Variants in SDHAF3 observed in about 807,000 individuals in gnomAD.
SDHAF3 encodes succinate dehydrogenase complex assembly factor 3.
SDHAF3 carries 18 observed loss-of-function variants against 11.5 expected under a neutral mutation model. The observed-to-expected ratio is 1.56, with a 90% CI of 1.08 to 2.32. The LOEUF (loss-of-function observed/expected upper bound fraction) is 2.32. SDHAF3 is among the 30% of genes most tolerant of loss of function. The pLI is 0.00. For synonymous variants in SDHAF3, 72 were observed against 59.3 expected, an observed-to-expected ratio of 1.21 and a Z score of -0.99; for missense variants, 200 against 154.4, an observed-to-expected ratio of 1.30 and a Z score of -1.57.
chr7:97,160,679 A>G (rs1789395084), intron 1 of SDHAF3, among the ~76,000 whole-genome samples: 1 of 152,206 alleles, frequency 6.6e-6, no homozygotes, highest in South Asian at 2.1e-4. Context: ...GCGGTTGTAA[A>G]TATGTGACTG....
chr7:97,120,577 AT>A (rs1791476882), intron 1 of SDHAF3, among the ~76,000 whole-genome samples: 1 of 151,422 alleles, frequency 6.6e-6, no homozygotes, highest in Non-Finnish European at 1.5e-5. Context: ...TTATGCCTTT[AT>A]TTTTCAGTTA....
chr7:97,123,095 T>C (rs1267111043), intron 1 of SDHAF3, among the ~76,000 whole-genome samples: 1 of 152,008 alleles, frequency 6.6e-6, no homozygotes, highest in African/African-American at 2.4e-5. Flanking sequence ...ATCATGTAGG[T>C]TTTAAGCCCT....
chr7:97,124,448 T>C (rs1225387543), intron 1 of SDHAF3, among the ~76,000 whole-genome samples: 1 of 152,210 alleles, frequency 6.6e-6, no homozygotes, highest in African/African-American at 2.4e-5. Flanking sequence ...GCCTTGTTCT[T>C]TTTGCTTAGG....
intron 1 of SDHAF3, among the ~76,000 whole-genome samples, chr7:97,151,945 C>T (rs1208644393): frequency 6.6e-6 from 1 of 152,160 alleles, no homozygotes. Flanking sequence ...TTTGGGGTAT[C>T]ATTTTCTGAG....
intron 1 of SDHAF3, among the ~76,000 whole-genome samples, chr7:97,119,510 TAG>T (rs1168056498): frequency 6.6e-6 from 1 of 152,166 alleles, no homozygotes; most frequent in African/African-American, 2.4e-5. Context: ...AGAAAGACAG[TAG>T]AGAGTTCCCT....
At chr7:97,125,529 T>A (rs1403856450) in intron 1 of SDHAF3, among the ~76,000 whole-genome samples, 3 of 152,194 alleles carry the variant, frequency 2.0e-5, no homozygotes, top group Non-Finnish European at 4.4e-5. Context: ...CTTTGTTCAT[T>A]CCTTTTCATT....
chr7:97,143,594 A>G (rs981415282), intron 1 of SDHAF3, among the ~76,000 whole-genome samples: 7 of 152,048 alleles, frequency 4.6e-5, no homozygotes, highest in African/African-American at 9.7e-5. Context: ...TTGGAATGAT[A>G]GTCTCCAGTC....
chr7:97,140,933 A>G (rs1789024742), intron 1 of SDHAF3, among the ~76,000 whole-genome samples: 1 of 152,214 alleles, frequency 6.6e-6, no homozygotes, highest in Non-Finnish European at 1.5e-5. Flanking sequence ...ACAGAGCCAT[A>G]TTTCTCTTCT....
rs192115169 is a variant in SDHAF3 at position 97,153,582 on chromosome 7, G to C, written c.175-27430G>C. 9.8e-4 allele frequency among the ~76,000 whole-genome samples: 150 copies of C among 152,334 alleles called. 1 individual carries two copies. The Middle Eastern group carries it at 0.027, about 28-fold the overall frequency. On this transcript the variant is annotated intron_variant, in intron 1 of 1. Transcript: ENST00000432641. ...TAAATACCAAGGAATGCAATTGCTG[G>C]ATCATATGGTAAGAGTATGTTTAGT...
At chr7:97,129,989 C>T (rs1289394949) in intron 1 of SDHAF3, among the ~76,000 whole-genome samples, 1 of 152,208 alleles carries the variant, frequency 6.6e-6, no homozygotes, top group Non-Finnish European at 1.5e-5. Context: ...ACCACAGCAG[C>T]TTCCACCTTG....
At chr7:97,148,788 G>C (rs760196999) in intron 1 of SDHAF3, among the ~76,000 whole-genome samples, 25 of 152,284 alleles carry the variant, frequency 1.6e-4, no homozygotes, top group Middle Eastern at 6.8e-3. Flanking sequence ...AATTAACTTA[G>C]ATGATTAGTG....
chr7:97,142,445 G>C (rs1004579325), intron 1 of SDHAF3, among the ~76,000 whole-genome samples: 1 of 152,056 alleles, frequency 6.6e-6, no homozygotes, highest in Non-Finnish European at 1.5e-5. Flanking sequence ...AGGGCATTAG[G>C]CTTATTCCAA....
chr7:97,117,734 G>T lies in SDHAF3; in HGVS notation c.11G>T (p.Arg4Leu), dbSNP rs1401307855. The T allele has an allele frequency of 1.9e-6, 3 of 1,612,866 alleles. No homozygotes were observed. The highest frequency in any genetic ancestry group is 2.2e-5 in the South Asian group (2 of 91,064). The change falls in exon 1 of 2, where the codon CGG (arginine) becomes CTG (leucine). Residue 4 changes from arginine to leucine, a missense_variant. Transcript: ENST00000432641. ...TCGGCGTGGGGCGCTATGCCGGGGC[G>T]GCACGTTTCTCGAGTCCGGGCATTG... The part of the protein sequence containing the change: MPG[R>L]HVSRVRALYK...
chr7:97,168,905 A>G (rs1789558082), intron 1 of SDHAF3, among the ~76,000 whole-genome samples: 1 of 152,208 alleles, frequency 6.6e-6, no homozygotes, highest in African/African-American at 2.4e-5. Context: ...TAGTTTGATT[A>G]CAGATATGTA....
chr7:97,164,828 A>G (rs1194933223), intron 1 of SDHAF3, among the ~76,000 whole-genome samples: 1 of 152,192 alleles, frequency 6.6e-6, no homozygotes, highest in East Asian at 1.9e-4. Context: ...GACTAACATA[A>G]TTTCCATAAT....
intron 1 of SDHAF3, among the ~76,000 whole-genome samples, chr7:97,172,343 G>C (rs1789613873): frequency 6.6e-6 from 1 of 152,106 alleles, no homozygotes; most frequent in African/African-American, 2.4e-5. Flanking sequence ...CTATATGCAT[G>C]TATTTTTTAA....
intron 1 of SDHAF3, among the ~76,000 whole-genome samples, chr7:97,122,016 C>T (rs1203464791): frequency 6.6e-6 from 1 of 152,012 alleles, no homozygotes; most frequent in Non-Finnish European, 1.5e-5. Context: ...CACCACTGCG[C>T]CCAGCTAATT....
chr7:97,121,341 CAA>C (rs757333342), intron 1 of SDHAF3, among the ~76,000 whole-genome samples: 1 of 152,178 alleles, frequency 6.6e-6, no homozygotes, highest in African/African-American at 2.4e-5. Flanking sequence ...GAATATGAGA[CAA>C]AGAGCACAGA....
At chr7:97,147,803 ACT>A (rs1044541322) in intron 1 of SDHAF3, among the ~76,000 whole-genome samples, 2 of 152,040 alleles carry the variant, frequency 1.3e-5, no homozygotes, top group African/African-American at 4.8e-5. Flanking sequence ...CCTCTCAAAG[ACT>A]CTAATAAGAA....
Sources: allele counts gnomAD v4.1 joint callset (sites outside exome capture counted in the v4.1 genomes callset), GRCh38; gene constraint gnomAD v4.1.1; transcripts MANE v1.5; gene names NCBI Gene and HGNC (gene_info 2026-07-23, HGNC 2026-07-21).